SLC17A6: variants seen among roughly 807,000 people sequenced by gnomAD.
SLC17A6 encodes the protein solute carrier family 17 member 6.
In SLC17A6, 35 loss-of-function variants were observed where a neutral mutation model predicts 67.1. The observed-to-expected ratio is 0.52, with a 90% CI of 0.40 to 0.69. SLC17A6 has a LOEUF of 0.69. Ranked by LOEUF, SLC17A6 falls within the 30% of genes least tolerant of loss-of-function variation. The pLI, the probability that SLC17A6 is intolerant of heterozygous loss-of-function variation, is 0.00. For synonymous variants in SLC17A6, 285 were observed against 252.3 expected (o/e 1.13, Z -1.23); for missense variants, 588 against 723.9 (o/e 0.81, Z 2.15).
chr11:22,345,382 G>T (rs1247723733), intron 3 of SLC17A6, among the ~76,000 whole-genome samples: 1 of 151,666 alleles, frequency 6.6e-6, no homozygotes, highest in African/African-American at 2.4e-5. Flanking sequence ...CACGAACTGG[G>T]CTCACTGCAG....
chr11:22,370,443 C>A (rs1209230352), intron 8 of SLC17A6, among the ~76,000 whole-genome samples: 1 of 152,058 alleles, frequency 6.6e-6, no homozygotes, highest in Non-Finnish European at 1.5e-5. Context: ...GAACTTAGAG[C>A]CCAGTTGGAG....
chr11:22,352,020 A>AAT (rs1855944697), intron 3 of SLC17A6, among the ~76,000 whole-genome samples: 1 of 152,194 alleles, frequency 6.6e-6, no homozygotes, highest in Non-Finnish European at 1.5e-5. Flanking sequence ...AGCATAATAT[A>AAT]ATATATATAA....
At chr11:22,361,461 A>G (rs1453676277) in intron 5 of SLC17A6, among the ~76,000 whole-genome samples, 2 of 152,142 alleles carry the variant, frequency 1.3e-5, no homozygotes, top group Non-Finnish European at 2.9e-5. Flanking sequence ...TATATTTAAT[A>G]CAGCTATATG....
At chr11:22,348,030 C>G (rs1294301271) in intron 3 of SLC17A6, among the ~76,000 whole-genome samples, 1 of 152,120 alleles carries the variant, frequency 6.6e-6, no homozygotes, top group Non-Finnish European at 1.5e-5. Flanking sequence ...CAGGAAGAAC[C>G]CATATTATTG....
At chr11:22,339,650 A>G (rs1405753907) in intron 1 of SLC17A6, among the ~76,000 whole-genome samples, 1 of 152,226 alleles carries the variant, frequency 6.6e-6, no homozygotes, top group Non-Finnish European at 1.5e-5. Flanking sequence ...ACTAATTTTA[A>G]TATTTGGGAA....
chr11:22,360,668 T>G (rs148899222), intron 4 of SLC17A6, among the ~76,000 whole-genome samples: 1 of 152,250 alleles, frequency 6.6e-6, no homozygotes, highest in African/African-American at 2.4e-5. Context: ...GATATTTATA[T>G]TTGGAATTTA....
intron 6 of SLC17A6, among the ~76,000 whole-genome samples, chr11:22,363,132 G>A (rs887176738): frequency 6.6e-6 from 1 of 151,932 alleles, no homozygotes; most frequent in Non-Finnish European, 1.5e-5. Flanking sequence ...AGCTGATGAA[G>A]AGGAAAGAGT....
chr11:22,350,918 A>G (rs969943973), intron 3 of SLC17A6, among the ~76,000 whole-genome samples: 2 of 152,126 alleles, frequency 1.3e-5, no homozygotes, highest in Admixed American at 6.5e-5. Flanking sequence ...TTGCTAGAGT[A>G]TTTCATTGAT....
chr11:22,376,035 G>A lies in SLC17A6; in HGVS notation c.1228G>A (p.Gly410Arg), dbSNP rs765665761. The A allele has an allele frequency of 1.2e-6, 2 of 1,612,386 alleles. No homozygotes were observed. Among genetic ancestry groups the A allele is most frequent in the East Asian group, 2.2e-5 (1 of 44,832 alleles). ...LLVVGYSHTR[G>R]VAISFLVLAV... ...GGTCGTTGGCTATTCTCATACTAGA[G>A]GGGTAGCAATCTCATTCTTGGTACT... is the stretch of plus-strand genomic sequence containing the variant. Residue 410 changes from glycine (G) to arginine (R), a missense_variant, in exon 10 of 12, where the codon GGG becomes AGG. Gly to Arg is a moderately radical substitution (Grantham distance 125). Transcript: ENST00000263160.
At chr11:22,350,552 C>T (rs2034323) in intron 3 of SLC17A6, among the ~76,000 whole-genome samples, 30 of 152,122 alleles carry the variant, frequency 2.0e-4, no homozygotes, top group Non-Finnish European at 7.4e-5. Context: ...TATTTCACAG[C>T]GACTGTAATA....
intron 4 of SLC17A6, 65 bp from the exon 5 acceptor site, chr11:22,360,832 A>G: frequency 7.1e-7 from 1 of 1,406,154 alleles, no homozygotes; most frequent in South Asian, 1.2e-5. Context: ...GAGGATTTGT[A>G]CAGGATACTA....
At chr11:22,351,186 G>A (rs558369141) in intron 3 of SLC17A6, among the ~76,000 whole-genome samples, 6 of 152,014 alleles carry the variant, frequency 3.9e-5, no homozygotes, top group South Asian at 4.2e-4. Flanking sequence ...CACAAAATTC[G>A]TAATGTACAT....
chr11:22,356,256 T>A (rs530456409), intron 3 of SLC17A6, among the ~76,000 whole-genome samples: 2 of 152,306 alleles, frequency 1.3e-5, no homozygotes, highest in African/African-American at 4.8e-5. Flanking sequence ...CTCCTGTGAA[T>A]ATAGTCTCAC....
In SLC17A6 at chr11:22,365,540, C is replaced by T. The variant is rs369156392; in HGVS notation, c.749-7C>T. On this transcript the variant is annotated splice_polypyrimidine_tract_variant and splice_region_variant and intron_variant, in intron 6 of 11. Transcript: ENST00000263160. ...GTGACTTTCTCCTTCTGAACTGTTG[C>T]TTGCAGGAAGCTTTGGAATGGTCTG... is the stretch of plus-strand genomic sequence containing the variant. 58 of 1,613,660 alleles carry T rather than the reference C, an allele frequency of 3.6e-5. No homozygotes were observed. Among genetic ancestry groups the T allele is most frequent in the Non-Finnish European group, 4.8e-5 (57 of 1,179,778 alleles).
intron 3 of SLC17A6, among the ~76,000 whole-genome samples, chr11:22,346,851 A>G (rs761500334): frequency 4.0e-5 from 6 of 148,620 alleles, no homozygotes; most frequent in Non-Finnish European, 8.9e-5. Flanking sequence ...TATAAAATAT[A>G]TAAATATACA....
intron 1 of SLC17A6, among the ~76,000 whole-genome samples, chr11:22,340,466 G>C (rs1022230185): frequency 6.6e-6 from 1 of 152,106 alleles, no homozygotes; most frequent in Non-Finnish European, 1.5e-5. Context: ...AAGGACCAAA[G>C]CCAAAAATGA....
At chr11:22,365,146 A>G (rs117147335) in intron 6 of SLC17A6, among the ~76,000 whole-genome samples, 2,330 of 152,302 alleles carry the variant, frequency 0.015, 24 homozygotes, top group Non-Finnish European at 0.025. Context: ...GGCAGGCAAT[A>G]AAGAAAAGAA....
chr11:22,350,238 A>C (rs1009200604), intron 3 of SLC17A6, among the ~76,000 whole-genome samples: 1 of 152,170 alleles, frequency 6.6e-6, no homozygotes, highest in African/African-American at 2.4e-5. Flanking sequence ...CATGATTACT[A>C]TTACACCTCT....
chr11:22,338,476 G>C lies in SLC17A6; in HGVS notation c.-58G>C, dbSNP rs1317131942. On this transcript the variant is annotated 5_prime_UTR_variant, in exon 1 of 12. Coordinates refer to ENST00000263160, the MANE Select transcript of SLC17A6 (RefSeq NM_020346.3). ...GATTAAGACAATATGCGCAATCCTC[G>C]CCTTTCCTAGCAATCACTATTTAAA... 8.0e-7 allele frequency: 1 copy of C among 1,256,714 alleles called. No homozygotes were observed. Among genetic ancestry groups the C allele is most frequent in the Non-Finnish European group, 1.2e-6 (1 of 860,478 alleles). The allele number at this position is 1,256,714 out of a possible 1,614,324, so 77.8% of individuals were successfully genotyped here. A position where few individuals can be genotyped will look rare whatever the true frequency, so the allele number is the denominator to read the frequency against.
Sources: gnomAD v4.1 joint callset for allele counts (sites outside exome capture counted in the v4.1 genomes callset) on GRCh38, gnomAD v4.1.1 for gene constraint, MANE v1.5 for transcripts, NCBI Gene and HGNC (gene_info 2026-07-23, HGNC 2026-07-21) for gene names.